Variants in CDH26 observed in about 807,000 individuals in gnomAD.
The protein encoded by CDH26 is cadherin-like protein 26.
CDH26 carries 83 observed loss-of-function variants against 90.3 expected under a neutral mutation model. The ratio of observed to expected loss-of-function variants is 0.92; its 90% confidence interval spans 0.77 to 1.10. The LOEUF (loss-of-function observed/expected upper bound fraction) is 1.10, where lower values mean the gene tolerates loss of function less well. CDH26 is among the 50% of genes least tolerant of loss of function. The pLI is 0.00. For synonymous variants in CDH26, 397 were observed against 396.3 expected (o/e 1.00, Z -0.02); for missense variants, 1,013 against 1,037.6 (o/e 0.98, Z 0.33).
At chr20:60,033,692 G>C in exon 9 of CDH26, 1 of 1,299,932 alleles carries the variant, frequency 7.7e-7, no homozygotes, top group Non-Finnish European at 1.0e-6. Flanking sequence ...GAGTACGGTG[G>C]AGGGGCATGG....
At position 59,996,394 on chromosome 20, in the gene CDH26, A is replaced by G. The variant is rs1012137109; in HGVS notation, c.1889-237A>G. 2.0e-6 allele frequency: 3 copies of G among 1,486,794 alleles called. No homozygotes were observed. In the African/African-American group the frequency reaches 4.2e-5, roughly 21 times the overall value. The allele number at this position is 1,486,794 out of a possible 1,614,324, so 92.1% of individuals were successfully genotyped here. ...AGGCTAATAAGAAAGCAGCTTTTCC[A>G]AGAAACAATACAATATTACTGGCCA... On this transcript the variant is annotated intron_variant, in intron 12 of 17. Transcript: ENST00000348616.
At chr20:59,967,908 C>CT in intron 1 of CDH26, among the ~76,000 whole-genome samples, 1 of 107,804 alleles carries the variant, frequency 9.3e-6, no homozygotes, top group African/African-American at 4.6e-5. Context: ...TTCCTTCCTT[C>CT]CTTTCCTTTC....
At chr20:59,972,489 C>T (rs992922282) in intron 4 of CDH26, among the ~76,000 whole-genome samples, 7 of 152,146 alleles carry the variant, frequency 4.6e-5, no homozygotes, top group African/African-American at 2.4e-5. Flanking sequence ...CCATAACAGA[C>T]CCAATGGGTT....
chr20:60,007,058 G>A (rs932290155), intron 17 of CDH26, among the ~76,000 whole-genome samples: 6 of 152,260 alleles, frequency 3.9e-5, no homozygotes, highest in Admixed American at 2.6e-4. Flanking sequence ...CTTTCCCGCC[G>A]TGTCCTCACA....
At chr20:60,022,970 T>G (rs185126815) in intron 7 of CDH26, among the ~76,000 whole-genome samples, 1 of 152,342 alleles carries the variant, frequency 6.6e-6, no homozygotes, top group Non-Finnish European at 1.5e-5. Context: ...GCAGCAACAT[T>G]TCCCATCCTC....
At chr20:59,970,387 C>T (rs966817159) in intron 3 of CDH26, among the ~76,000 whole-genome samples, 14 of 152,154 alleles carry the variant, frequency 9.2e-5, no homozygotes, top group South Asian at 2.1e-4. Flanking sequence ...TGAGTTTGAA[C>T]GAGTCACTTC....
At chr20:59,974,157 CT>C (rs1277822445) in intron 4 of CDH26, among the ~76,000 whole-genome samples, 1 of 152,110 alleles carries the variant, frequency 6.6e-6, no homozygotes, top group Non-Finnish European at 1.5e-5. Flanking sequence ...TGATGTTGAG[CT>C]TTTTTTCATA....
At chr20:60,031,183 C>T in intron 7 of CDH26, 1 of 1,043,954 alleles carries the variant, frequency 9.6e-7, no homozygotes, top group Non-Finnish European at 1.2e-6. Context: ...GGAAGTCCAG[C>T]TTTCCAGGAG....
intron 7 of CDH26, among the ~76,000 whole-genome samples, chr20:59,985,745 G>A (rs527859231): frequency 9.2e-5 from 14 of 152,182 alleles, no homozygotes; most frequent in Non-Finnish European, 1.9e-4. Context: ...TGACATAGAA[G>A]CAGTTCATAA....
At chr20:59,978,068 G>A (rs986635523) in intron 4 of CDH26, among the ~76,000 whole-genome samples, 5 of 152,118 alleles carry the variant, frequency 3.3e-5, no homozygotes, top group African/African-American at 1.2e-4. Context: ...TCCATTCAAA[G>A]TTCCTCCATG....
chr20:59,977,368 T>C (rs2061339378), intron 4 of CDH26, among the ~76,000 whole-genome samples: 1 of 152,168 alleles, frequency 6.6e-6, no homozygotes, highest in East Asian at 1.9e-4. Flanking sequence ...TCTGCGACTC[T>C]GAACTCCTGC....
chr20:59,986,616 TACACACACAC>T (rs3043440), intron 7 of CDH26, among the ~76,000 whole-genome samples: 4,836 of 136,840 alleles, frequency 0.035, 169 homozygotes, highest in African/African-American at 0.085. Context: ...TAAATCCCCC[TACACACACAC>T]ACACACACAC....
chr20:59,969,989 C>T (rs1455342846), intron 2 of CDH26, 93 bp from the exon 3 acceptor site: 2 of 1,519,658 alleles, frequency 1.3e-6, no homozygotes, highest in African/African-American at 2.8e-5. Flanking sequence ...CAGGTGTCAG[C>T]ACAGGGCCTT....
At position 60,001,337 on chromosome 20, in the gene CDH26, C is replaced by A. The variant is rs2061674465; in HGVS notation, c.2098-6C>A. 2 of 1,613,928 alleles carry A rather than the reference C, an allele frequency of 1.2e-6. No homozygotes were observed. The highest frequency in any genetic ancestry group is 1.7e-6 in the Non-Finnish European group (2 of 1,180,004). The stretch of plus-strand genomic sequence containing the variant: ...TCTTTTGAGTAAATCAGCATTTTCC[C>A]TCTAGGATCTCGAGGAAGTGCCTCC... On this transcript the variant is annotated splice_region_variant and splice_polypyrimidine_tract_variant and intron_variant, in intron 14 of 17. Coordinates refer to ENST00000348616, the MANE Select transcript of CDH26 (RefSeq NM_177980.4).
intron 7 of CDH26, among the ~76,000 whole-genome samples, chr20:60,020,717 G>C (rs1350531995): frequency 6.6e-6 from 1 of 152,166 alleles, no homozygotes; most frequent in Non-Finnish European, 1.5e-5. Flanking sequence ...ACAGTGGGTG[G>C]GTATGTGTGG....
At chr20:59,975,419 A>G (rs1601111442) in intron 4 of CDH26, among the ~76,000 whole-genome samples, 2 of 152,162 alleles carry the variant, frequency 1.3e-5, no homozygotes, top group South Asian at 4.1e-4. Context: ...CGGAGCCTCC[A>G]GAAGAACCAA....
chr20:59,971,701 G>A (rs976717565), intron 3 of CDH26, among the ~76,000 whole-genome samples: 3 of 152,150 alleles, frequency 2.0e-5, no homozygotes, highest in Admixed American at 6.5e-5. Context: ...CTATGTGAAG[G>A]AAGTATCATT....
At chr20:59,967,089 C>T (rs1418921928) in intron 1 of CDH26, among the ~76,000 whole-genome samples, 1 of 152,030 alleles carries the variant, frequency 6.6e-6, no homozygotes, top group African/African-American at 2.4e-5. Context: ...GAATATATAG[C>T]CATATCTATG....
At chr20:59,997,824 C>A (rs999928611) in intron 13 of CDH26, among the ~76,000 whole-genome samples, 1 of 152,238 alleles carries the variant, frequency 6.6e-6, no homozygotes, top group Non-Finnish European at 1.5e-5. Context: ...TGATATGATG[C>A]TCCTGTAATT....
Sources: allele counts gnomAD v4.1 joint callset (sites outside exome capture counted in the v4.1 genomes callset), GRCh38; gene constraint gnomAD v4.1.1; transcripts MANE v1.5; gene names NCBI Gene and HGNC (gene_info 2026-07-23, HGNC 2026-07-21).